TUBGCP4: variants seen among roughly 807,000 people sequenced by gnomAD.
TUBGCP4 encodes the protein tubulin gamma complex component 4.
TUBGCP4 carries 54 observed loss-of-function variants against 91.6 expected under a neutral mutation model. That is an observed-to-expected ratio of 0.59 (90% CI 0.47 to 0.74). The LOEUF (loss-of-function observed/expected upper bound fraction) is 0.74. TUBGCP4 is among the 30% of genes least tolerant of loss of function. TUBGCP4 has a pLI of 0.00. For missense variants in TUBGCP4, 593 were observed against 800.9 expected (o/e 0.74, Z 3.13); for synonymous variants, 297 against 302.8 (o/e 0.98, Z 0.20).
Position 43,406,283 on chromosome 15 carries a change from T to G in TUBGCP4, c.*1069T>G, listed in dbSNP as rs2044876126. 4.8e-6 allele frequency: 1 copy of G among 209,394 alleles called. No homozygotes were observed. The highest frequency in any genetic ancestry group is 5.4e-5 in the Admixed American group (1 of 18,448). The allele number at this position is 209,394 out of a possible 1,614,324, so 13.0% of individuals were successfully genotyped here. ...CAACGCCCTCCAAACTGAAAAAGAA[T>G]GCAGTGTTCTGGCATCAGGTTATAG... On this transcript the variant is annotated 3_prime_UTR_variant, in exon 18 of 18. Coordinates refer to ENST00000564079, the MANE Select transcript of TUBGCP4 (RefSeq NM_014444.5).
intron 14 of TUBGCP4, among the ~76,000 whole-genome samples, chr15:43,401,480 G>A (rs2044678299): frequency 1.3e-5 from 2 of 151,792 alleles, no homozygotes; most frequent in African/African-American, 4.8e-5. Flanking sequence ...AAGAGAAAAG[G>A]ATGGGGCAGG....
chr15:43,374,579 T>TC (rs2044173733), intron 1 of TUBGCP4, among the ~76,000 whole-genome samples: 1 of 152,054 alleles, frequency 6.6e-6, no homozygotes, highest in Admixed American at 6.5e-5. Context: ...ACCACTGTAT[T>TC]CCAGTCTGGG....
chr15:43,377,389 G>A (rs2044221323), intron 4 of TUBGCP4, among the ~76,000 whole-genome samples: 5 of 152,070 alleles, frequency 3.3e-5, no homozygotes, highest in East Asian at 1.9e-4. Context: ...TTGGGAGGCC[G>A]AGGTGGTTGG....
Position 43,395,568 on chromosome 15 carries a change from A to T in TUBGCP4, c.1066-15A>T. On this transcript the variant is annotated splice_polypyrimidine_tract_variant and intron_variant, in intron 10 of 17. Coordinates refer to ENST00000564079, the MANE Select transcript of TUBGCP4 (RefSeq NM_014444.5). Reference sequence around the variant, plus strand: ...CCTTGCTTTACTGAATTGTAAATTGAAATTCTTTCCTCAGATCATTAAAGA... The same window carrying T: ...CCTTGCTTTACTGAATTGTAAATTGTAATTCTTTCCTCAGATCATTAAAGA... The T allele has an allele frequency of 6.2e-7, 1 of 1,602,514 alleles. No individual in the cohort carries two copies. The highest frequency in any genetic ancestry group is 8.6e-7 in the Non-Finnish European group (1 of 1,169,558).
intron 1 of TUBGCP4, among the ~76,000 whole-genome samples, chr15:43,371,929 G>A (rs1056297008): frequency 6.6e-6 from 1 of 152,106 alleles, no homozygotes; most frequent in Admixed American, 6.6e-5. Flanking sequence ...TTGGTAGGGG[G>A]CCTTTGTGTA....
At chr15:43,377,988 A>T in intron 5 of TUBGCP4, 85 bp downstream of exon 5, 1 of 1,078,792 alleles carries the variant, frequency 9.3e-7, no homozygotes, top group African/African-American at 1.6e-5. Context: ...TTTTTCGAAG[A>T]CCCTAGTTTT....
chr15:43,380,147 C>T lies in TUBGCP4; in HGVS notation c.505C>T (p.Arg169Ter), dbSNP rs761749914. 9 of 1,613,812 alleles carry T rather than the reference C, an allele frequency of 5.6e-6. No homozygotes were observed. Among genetic ancestry groups the T allele is most frequent in the South Asian group, 1.1e-5 (1 of 91,054 alleles). The change falls in exon 6 of 18, where the codon CGA (arginine) becomes TGA (stop). Residue 169 changes from arginine to a stop codon, truncating the protein, a stop_gained. Transcript: ENST00000564079. LOFTEE classifies it high-confidence loss of function. The part of the protein sequence containing the change: ...KHSCGGLPPV[R>*]SALEKILAVC... ...CAGCTGTGGGGGGTTGCCTCCTGTT[C>T]GAAGTGCACTGGAAAAGTAAGTCAT...
intron 6 of TUBGCP4, 126 bp downstream of exon 6, chr15:43,380,289 A>C (rs2142785687): frequency 1.2e-6 from 1 of 852,700 alleles, no homozygotes; most frequent in Non-Finnish European, 1.9e-6. Context: ...AGGATAGAAA[A>C]AGCTCCATGA....
intron 9 of TUBGCP4, among the ~76,000 whole-genome samples, chr15:43,386,902 C>T (rs2044384539): frequency 6.6e-6 from 1 of 152,130 alleles, no homozygotes; most frequent in Non-Finnish European, 1.5e-5. Context: ...TTCCCATTTT[C>T]CTATCTAACT....
At chr15:43,403,430 ATG>A in intron 15 of TUBGCP4, 1 of 349,972 alleles carries the variant, frequency 2.9e-6, no homozygotes. Context: ...GAAGAGTTAA[ATG>A]TGGCTAGATT....
At chr15:43,396,391 C>T (rs553720127) in intron 11 of TUBGCP4, among the ~76,000 whole-genome samples, 34 of 152,258 alleles carry the variant, frequency 2.2e-4, no homozygotes, top group Middle Eastern at 6.8e-3. Flanking sequence ...ACCCCTTGAC[C>T]CACTGATGTC....
Position 43,406,697 on chromosome 15 carries a change from CAATAATAAT to C in TUBGCP4, c.*1494_*1502del. On this transcript the variant is annotated 3_prime_UTR_variant, in exon 18 of 18. Coordinates refer to ENST00000564079, the MANE Select transcript of TUBGCP4 (RefSeq NM_014444.5). ...AAGGAACTGCTTCCAGCTATTGTGA[CAATAATAAT>C]AATAATAATATTGGGTCTTTGACTA... 4.6e-6 allele frequency: 2 copies of C among 433,190 alleles called. No individual in the cohort carries two copies. The highest frequency in any genetic ancestry group is 1.7e-5 in the South Asian group (1 of 59,924). 26.8% of individuals were successfully genotyped at this position (433,190 alleles called of 1,614,324 possible). A position where few individuals can be genotyped will look rare whatever the true frequency, so the allele number is the denominator to read the frequency against.
chr15:43,407,607 A>G lies in TUBGCP4; in HGVS notation c.*2393A>G, dbSNP rs1421451296. On this transcript the variant is annotated 3_prime_UTR_variant, in exon 18 of 18. Coordinates refer to ENST00000564079, the MANE Select transcript of TUBGCP4 (RefSeq NM_014444.5). ...AAGGGAAAGTGAAGAAGGAAAGGACACTCAACTTAGCCCTCCATTAGAAAG... is the reference window on the plus strand; with the variant it reads ...AAGGGAAAGTGAAGAAGGAAAGGACGCTCAACTTAGCCCTCCATTAGAAAG... The G allele has an allele frequency of 5.7e-6, 9 of 1,578,018 alleles. No homozygotes were observed. The highest frequency in any genetic ancestry group is 1.8e-5 in the Admixed American group (1 of 56,876).
Position 43,386,344 on chromosome 15 carries a change from C to A in TUBGCP4, c.1014+14C>A, listed in dbSNP as rs201356426. Reference sequence around the variant, plus strand: ...ACTGTGGCTGAGGTTTGTGTTTCATCGTATATATATATATATATATATATA... The same window carrying A: ...ACTGTGGCTGAGGTTTGTGTTTCATAGTATATATATATATATATATATATA... On this transcript the variant is annotated intron_variant, in intron 9 of 17. Transcript: ENST00000564079. 4,219 of 245,572 alleles carry A rather than the reference C, an allele frequency of 0.017. 71 individuals are homozygous for A. Among genetic ancestry groups the A allele is most frequent in the Middle Eastern group, 0.036 (21 of 582 alleles). The allele number at this position is 245,572 out of a possible 1,614,324, so 15.2% of individuals were successfully genotyped here.
At chr15:43,393,649 G>A (rs556639443) in intron 9 of TUBGCP4, among the ~76,000 whole-genome samples, 79 of 151,666 alleles carry the variant, frequency 5.2e-4, no homozygotes, top group Admixed American at 1.9e-3. Context: ...TCCTGTGTCC[G>A]TGTGTTCTCA....
At chr15:43,372,768 G>A (rs538091959) in intron 1 of TUBGCP4, among the ~76,000 whole-genome samples, 1 of 152,156 alleles carries the variant, frequency 6.6e-6, no homozygotes, top group East Asian at 1.9e-4. Context: ...CTTTCTCTGA[G>A]CACATCTTTA....
intron 1 of TUBGCP4, among the ~76,000 whole-genome samples, chr15:43,374,534 C>T (rs1272620238): frequency 6.6e-6 from 1 of 152,014 alleles, no homozygotes; most frequent in African/African-American, 2.4e-5. Context: ...ATTGGTTGAA[C>T]CTAGGGGTTC....
chr15:43,403,902 A>G (rs2044765321), intron 16 of TUBGCP4, 103 bp downstream of exon 16: 2 of 799,336 alleles, frequency 2.5e-6, no homozygotes, highest in Non-Finnish European at 4.3e-6. Context: ...CATTTCCTCA[A>G]TACACACACG....
In TUBGCP4 at chr15:43,407,315, C is replaced by T; in HGVS notation, c.*2101C>T. 1 of 1,394,290 alleles carries T rather than the reference C, an allele frequency of 7.2e-7. No homozygotes were observed. Among genetic ancestry groups the T allele is most frequent in the Non-Finnish European group, 1.0e-6 (1 of 994,522 alleles). The allele number at this position is 1,394,290 out of a possible 1,614,324, so 86.4% of individuals were successfully genotyped here. On this transcript the variant is annotated 3_prime_UTR_variant, in exon 18 of 18. Transcript: ENST00000564079. ...AAGGAATCCAGTTACACACAAGACA[C>T]ATTTAAAACCTGGTTAAAACACAAT...
Sources: gnomAD v4.1 joint callset for allele counts (sites outside exome capture counted in the v4.1 genomes callset) on GRCh38, gnomAD v4.1.1 for gene constraint, MANE v1.5 for transcripts, NCBI Gene and HGNC (gene_info 2026-07-23, HGNC 2026-07-21) for gene names.